The following GPD1 variants were observed in gnomAD, a reference collection of about 807,000 sequenced individuals.
The protein encoded by GPD1 is glycerol-3-phosphate dehydrogenase 1, also known as glycerol-3-phosphate dehydrogenase [NAD(+)], cytoplasmic.
GPD1 carries 19 observed loss-of-function variants against 34.4 expected under a neutral mutation model. That is an observed-to-expected ratio of 0.55 (90% CI 0.39 to 0.81). The LOEUF (loss-of-function observed/expected upper bound fraction) is 0.81. GPD1 is among the 30% of genes least tolerant of loss of function. GPD1 has a pLI of 0.00. For missense variants in GPD1, 429 were observed against 447.0 expected, an observed-to-expected ratio of 0.96 and a Z score of 0.36; for synonymous variants, 172 against 174.1, an observed-to-expected ratio of 0.99 and a Z score of 0.09.
intron 2 of GPD1, chr12:50,105,275 C>T (rs564404156): frequency 1.0e-5 from 5 of 488,294 alleles, no homozygotes; most frequent in African/African-American, 9.5e-5. Flanking sequence ...TGGCCTCCCG[C>T]ACTGTCCCAC....
intron 2 of GPD1, among the ~76,000 whole-genome samples, 198 bp downstream of exon 2, chr12:50,104,949 C>T (rs1284381845): frequency 6.9e-5 from 10 of 144,614 alleles, no homozygotes; most frequent in Non-Finnish European, 1.2e-4. Context: ...GGCTCCCAGG[C>T]GGGTGGGTGG....
At position 50,109,760 on chromosome 12, in the gene GPD1, G is replaced by A; in HGVS notation, c.*241G>A. ...GCAGTTGCCCTGTCCCTCTCCAGAT[G>A]TGGGGCTTTCTCCATATCCTCTGGG... On this transcript the variant is annotated 3_prime_UTR_variant, in exon 8 of 8. Coordinates refer to ENST00000301149, the MANE Select transcript of GPD1 (RefSeq NM_005276.4). 4.0e-6 allele frequency: 2 copies of A among 505,366 alleles called. No individual in the cohort carries two copies. Among genetic ancestry groups the A allele is most frequent in the South Asian group, 4.5e-5 (2 of 44,534 alleles). The allele number at this position is 505,366 out of a possible 1,614,324, so 31.3% of individuals were successfully genotyped here.
Position 50,104,841 on chromosome 12 carries a change from A to C in GPD1, c.219+90A>C, listed in dbSNP as rs1173404922. 9.2e-6 allele frequency: 10 copies of C among 1,092,246 alleles called. No individual in the cohort carries two copies. The African/African-American group carries it at 1.5e-4, about 17-fold the overall frequency. The allele number at this position is 1,092,246 out of a possible 1,614,324, so 67.7% of individuals were successfully genotyped here. A position where few individuals can be genotyped will look rare whatever the true frequency, so the allele number is the denominator to read the frequency against. The stretch of plus-strand genomic sequence containing the variant: ...TACTCAACAGGTGCCTCCTGCTGAG[A>C]GGGCCGCTTCAGGTGCAGCAGGACT... On this transcript the variant is annotated intron_variant, in intron 2 of 7. Transcript: ENST00000301149.
At chr12:50,106,452 C>CA (rs1950979442) in intron 4 of GPD1, 26 bp downstream of exon 4, 1 of 1,602,780 alleles carries the variant, frequency 6.2e-7, no homozygotes, top group African/African-American at 1.3e-5. Context: ...CACCTGCATA[C>CA]ACAGTGCATC....
chr12:50,104,785 G>A, intron 2 of GPD1, 34 bp downstream of exon 2: 2 of 1,583,328 alleles, frequency 1.3e-6, no homozygotes, highest in Non-Finnish European at 8.7e-7. Context: ...AACAGGGAGA[G>A]GAAGGGAGGG....
In GPD1 at chr12:50,106,350, C is replaced by T; in HGVS notation, c.423C>T (p.Gly141=). 1 of 1,612,696 alleles carries T rather than the reference C, an allele frequency of 6.2e-7. No individual in the cohort carries two copies. The highest frequency in any genetic ancestry group is 8.5e-7 in the Non-Finnish European group (1 of 1,179,076). ...LISEVIGERL[G]IPMSVLMGAN... ...CGGAAGTGATTGGGGAGCGCCTCGG[C>T]ATCCCCATGAGTGTGCTGATGGGGG... Residue 141 remains glycine (G), a synonymous_variant, in exon 4 of 8, where the codon GGC becomes GGT. Transcript: ENST00000301149.
In GPD1 at chr12:50,109,359, G is replaced by A; in HGVS notation, c.954-64G>A. The A allele has an allele frequency of 5.9e-6, 5 of 840,386 alleles. 1 individual carries two copies. The highest frequency in any genetic ancestry group is 4.0e-5 in the South Asian group (3 of 75,222). 52.1% of individuals were successfully genotyped at this position (840,386 alleles called of 1,614,324 possible). A position where few individuals can be genotyped will look rare whatever the true frequency, so the allele number is the denominator to read the frequency against. ...GGGACAGGAGGGTTAGGCAGTGAGT[G>A]GGGGTGGGGGTAGAGTGGACCAGGA... On this transcript the variant is annotated intron_variant, in intron 7 of 7. Transcript: ENST00000301149.
At chr12:50,106,552 G>T in intron 4 of GPD1, 126 bp downstream of exon 4, 1 of 961,948 alleles carries the variant, frequency 1.0e-6, no homozygotes, top group Non-Finnish European at 1.6e-6. Context: ...CATCAGAGGT[G>T]AAGGAGGCTG....
intron 3 of GPD1, 145 bp downstream of exon 3, chr12:50,105,833 CT>C: frequency 1.2e-6 from 1 of 841,244 alleles, no homozygotes; most frequent in Non-Finnish European, 2.0e-6. Flanking sequence ...TCTGGAGAGG[CT>C]TAGGAAAGCA....
chr12:50,104,857 C>A, intron 2 of GPD1, 106 bp downstream of exon 2: 1 of 903,560 alleles, frequency 1.1e-6, no homozygotes, highest in Non-Finnish European at 1.8e-6. Flanking sequence ...GCTTCAGGTG[C>A]AGCAGGACTT....
chr12:50,107,672 A>G lies in GPD1; in HGVS notation c.718A>G (p.Lys240Glu). 5 of 1,614,040 alleles carry G rather than the reference A, an allele frequency of 3.1e-6. No homozygotes were observed. The highest frequency in any genetic ancestry group is 4.2e-6 in the Non-Finnish European group (5 of 1,179,950). Residue 240 changes from lysine to glutamate, a missense_variant, in exon 6 of 8, where the codon AAG becomes GAG. Physicochemically the swap from Lys to Glu is moderately conservative, Grantham distance 56 (BLOSUM62 1). Coordinates refer to ENST00000301149, the MANE Select transcript of GPD1 (RefSeq NM_005276.4). ...ACTCATGGAGATGATAGCCTTCGCCAAGCTCTTCTGCAGTGGCCCTGTGTC... is the reference window on the plus strand; with the variant it reads ...ACTCATGGAGATGATAGCCTTCGCCGAGCTCTTCTGCAGTGGCCCTGTGTC... ...LGLMEMIAFA[K>E]LFCSGPVSSA...
At chr12:50,106,215 G>T in intron 3 of GPD1, 73 bp from the exon 4 acceptor site, 1 of 1,334,166 alleles carries the variant, frequency 7.5e-7, no homozygotes, top group South Asian at 1.4e-5. Context: ...GATTTGGAAG[G>T]GACAGAATTT....
At chr12:50,107,948 T>A (rs572451454) in intron 6 of GPD1, 76 bp from the exon 7 acceptor site, 1 of 1,060,160 alleles carries the variant, frequency 9.4e-7, no homozygotes, top group Non-Finnish European at 1.4e-6. Flanking sequence ...CACTCCCATC[T>A]GAGCTCCAGT....
rs1402781959 is a variant in GPD1 at position 50,110,981 on chromosome 12, C to G, written c.*1462C>G. On this transcript the variant is annotated 3_prime_UTR_variant, in exon 8 of 8. Coordinates refer to ENST00000301149, the MANE Select transcript of GPD1 (RefSeq NM_005276.4). ...TGTGGCAGCACCTGGCACACTGGCT[C>G]TGGCCAGCATTATGCTAAAACCCTG... 2 of 152,712 alleles carry G rather than the reference C, an allele frequency of 1.3e-5. No homozygotes were observed. The highest frequency in any genetic ancestry group is 2.9e-5 in the Non-Finnish European group (2 of 68,136). 9.5% of individuals were successfully genotyped at this position (152,712 alleles called of 1,614,324 possible).
chr12:50,107,826 G>T, intron 6 of GPD1, 26 bp downstream of exon 6: 1 of 1,531,584 alleles, frequency 6.5e-7, no homozygotes, highest in Non-Finnish European at 9.1e-7. Flanking sequence ...AGGGAGAACA[G>T]AGGGGCGGCT....
At chr12:50,107,907 C>A in intron 6 of GPD1, 107 bp downstream of exon 6, 1 of 1,015,776 alleles carries the variant, frequency 9.8e-7, no homozygotes, top group Non-Finnish European at 1.6e-6. Context: ...CTGTTGTGCA[C>A]ATCCCCATCC....
At chr12:50,105,382 G>T in intron 2 of GPD1, 166 bp from the exon 3 acceptor site, 1 of 648,294 alleles carries the variant, frequency 1.5e-6, no homozygotes, top group Non-Finnish European at 2.6e-6. Context: ...GGGGGAGGGA[G>T]TAGAGTGTCT....
intron 7 of GPD1, among the ~76,000 whole-genome samples, 188 bp downstream of exon 7, chr12:50,108,318 T>A (rs889180062): frequency 5.3e-5 from 8 of 152,186 alleles, no homozygotes; most frequent in Non-Finnish European, 1.0e-4. Flanking sequence ...TAGTTCATGG[T>A]CTTTGAACTC....
At chr12:50,107,179 A>G in intron 5 of GPD1, 1 of 664,824 alleles carries the variant, frequency 1.5e-6, no homozygotes, top group Non-Finnish European at 2.8e-6. Flanking sequence ...CTCTGGCTCC[A>G]GGAGGTGGTC....
Sources: gnomAD v4.1 joint callset for allele counts (sites outside exome capture counted in the v4.1 genomes callset) on GRCh38, gnomAD v4.1.1 for gene constraint, MANE v1.5 for transcripts, NCBI Gene and HGNC (gene_info 2026-07-23, HGNC 2026-07-21) for gene names.